Variants in C2CD5 observed in about 807,000 individuals in gnomAD.
The protein encoded by C2CD5 is C2 domain-containing protein 5.
A neutral mutation model predicts 130.3 loss-of-function variants in C2CD5; 109 were observed. The ratio of observed to expected loss-of-function variants is 0.84; its 90% CI spans 0.72 to 0.98. The LOEUF is 0.98. Ranked by LOEUF, C2CD5 falls within the 50% of genes least tolerant of loss-of-function variation. The pLI is 0.00. For synonymous variants in C2CD5, 454 were observed against 429.2 expected (o/e 1.06, Z -0.71); for missense variants, 996 against 1,261.8 (o/e 0.79, Z 3.19).
At chr12:22,470,263 G>A (rs1015088647) in intron 21 of C2CD5, among the ~76,000 whole-genome samples, 9 of 152,010 alleles carry the variant, frequency 5.9e-5, no homozygotes, top group Non-Finnish European at 1.2e-4. Flanking sequence ...GACTAATCAG[G>A]AATATTTCAT....
At chr12:22,538,125 T>C (rs913703258) in intron 2 of C2CD5, among the ~76,000 whole-genome samples, 2 of 152,186 alleles carry the variant, frequency 1.3e-5, no homozygotes, top group Non-Finnish European at 2.9e-5. Context: ...ATAAAACATA[T>C]AAACAAACAT....
chr12:22,530,075 G>GCT (rs1409698843), intron 3 of C2CD5, among the ~76,000 whole-genome samples: 3 of 89,556 alleles, frequency 3.3e-5, no homozygotes, highest in African/African-American at 1.4e-4. Flanking sequence ...GTATTTGAGT[G>GCT]CTATATATAT....
rs151049711 is a variant in C2CD5 at position 22,509,492 on chromosome 12, T to G, written c.1039-2673A>C. Among the ~76,000 whole-genome samples, 1,433 of 152,236 alleles carry G rather than the reference T, an allele frequency of 9.4e-3. 58 individuals are homozygous for G. Among genetic ancestry groups the G allele is most frequent in the Admixed American group, 0.079 (1,214 of 15,280 alleles). On this transcript the variant is annotated intron_variant, in intron 9 of 26. Coordinates refer to ENST00000446597, the MANE Select transcript of C2CD5 (RefSeq NM_001286176.2). ...GCCACGACCCACTCTCCACCTCACA[T>G]GTCCCCAGTTCACCTAATCGGCACA... is the stretch of plus-strand genomic sequence containing the variant.
chr12:22,488,622 TG>T (rs1945908182), intron 12 of C2CD5, among the ~76,000 whole-genome samples: 1 of 152,146 alleles, frequency 6.6e-6, no homozygotes, highest in Non-Finnish European at 1.5e-5. Flanking sequence ...ATTGTATCAC[TG>T]GTACAACTCA....
intron 22 of C2CD5, among the ~76,000 whole-genome samples, chr12:22,467,146 T>C (rs144214469): frequency 1.3e-5 from 2 of 152,290 alleles, no homozygotes; most frequent in East Asian, 1.9e-4. Flanking sequence ...ATTGGTTTAA[T>C]TGATTAAAAG....
rs779175922 is a variant in C2CD5 at position 22,470,913 on chromosome 12, T to C, written c.2359-2A>G. On this transcript the variant is annotated splice_acceptor_variant, in intron 20 of 26. Coordinates refer to ENST00000446597, the MANE Select transcript of C2CD5 (RefSeq NM_001286176.2). LOFTEE classifies it high-confidence loss of function. ...GATTGCGACTGCCGTGACTGTAACC[T>C]AGAATTATAAAAACAATAATGGTTA... is the stretch of plus-strand genomic sequence containing the variant. 1.2e-6 allele frequency: 2 copies of C among 1,603,170 alleles called. No individual in the cohort carries two copies. Among genetic ancestry groups the C allele is most frequent in the Non-Finnish European group, 1.7e-6 (2 of 1,171,810 alleles).
intron 22 of C2CD5, among the ~76,000 whole-genome samples, chr12:22,467,529 A>C (rs1455439491): frequency 6.6e-6 from 1 of 152,210 alleles, no homozygotes; most frequent in Admixed American, 6.5e-5. Context: ...ATATGTTAAT[A>C]ATTGAAGAAC....
Position 22,472,273 on chromosome 12 carries a change from A to C in C2CD5, c.2169+13T>G, listed in dbSNP as rs760692248. On this transcript the variant is annotated intron_variant, in intron 18 of 26. Transcript: ENST00000446597. ...ATGTGTTATGTGCTTAAAATTAAGA[A>C]AAAAAGGTTTACCTGTATTTCAGAG... 5.5e-6 allele frequency: 8 copies of C among 1,446,394 alleles called. No individual in the cohort carries two copies. The Admixed American group carries it at 1.0e-4, about 18-fold the overall frequency. The allele number at this position is 1,446,394 out of a possible 1,614,324, so 89.6% of individuals were successfully genotyped here.
At chr12:22,527,332 T>G (rs2418069) in intron 4 of C2CD5, among the ~76,000 whole-genome samples, 1 of 107,560 alleles carries the variant, frequency 9.3e-6, no homozygotes, top group African/African-American at 3.9e-5. Context: ...ATATATATAT[T>G]TTTTTTTTTT....
chr12:22,488,530 C>T (rs766441261), intron 12 of C2CD5, among the ~76,000 whole-genome samples: 1 of 151,360 alleles, frequency 6.6e-6, no homozygotes, highest in African/African-American at 2.4e-5. Flanking sequence ...CAGAAAAAAA[C>T]CAAGCTACAT....
chr12:22,530,317 T>TAA (rs1172932448), intron 3 of C2CD5, among the ~76,000 whole-genome samples: 1 of 150,268 alleles, frequency 6.7e-6, no homozygotes, highest in East Asian at 1.9e-4. Flanking sequence ...TATATATATA[T>TAA]AACTGAATGC....
chr12:22,518,938 G>T (rs992684696), intron 7 of C2CD5: 2 of 515,154 alleles, frequency 3.9e-6, no homozygotes, highest in Non-Finnish European at 6.8e-6. Flanking sequence ...CTTCCATATA[G>T]TTAGAGACTC....
chr12:22,478,025 A>T (rs1944117216), intron 15 of C2CD5: 4 of 364,394 alleles, frequency 1.1e-5, no homozygotes, highest in Admixed American at 3.9e-5. Context: ...ACACACACAC[A>T]CACTCACACA....
intron 10 of C2CD5, among the ~76,000 whole-genome samples, chr12:22,497,098 G>A (rs1947115401): frequency 6.6e-6 from 1 of 151,980 alleles, no homozygotes; most frequent in Non-Finnish European, 1.5e-5. Context: ...CATACACTTG[G>A]CAATTAAGAA....
chr12:22,496,881 T>A (rs1229736817), intron 10 of C2CD5, among the ~76,000 whole-genome samples: 1 of 152,098 alleles, frequency 6.6e-6, no homozygotes, highest in East Asian at 1.9e-4. Context: ...TAGGTTGACA[T>A]CAGAATTCAT....
At chr12:22,539,454 A>C (rs190863926) in intron 2 of C2CD5, among the ~76,000 whole-genome samples, 1 of 152,030 alleles carries the variant, frequency 6.6e-6, no homozygotes, top group East Asian at 1.9e-4. Flanking sequence ...CCTTCCCCTA[A>C]GTCACAGGTT....
chr12:22,467,320 A>G (rs1275047380), intron 22 of C2CD5, among the ~76,000 whole-genome samples: 3 of 151,794 alleles, frequency 2.0e-5, no homozygotes, highest in African/African-American at 4.8e-5. Context: ...CAGGCACACC[A>G]CCATGCATGA....
chr12:22,480,381 G>T (rs1417570827), intron 14 of C2CD5, among the ~76,000 whole-genome samples: 2 of 152,126 alleles, frequency 1.3e-5, no homozygotes, highest in Non-Finnish European at 2.9e-5. Flanking sequence ...ACTCATCAGA[G>T]ATCACCTAAG....
chr12:22,464,414 T>C (rs1357959466), intron 22 of C2CD5, among the ~76,000 whole-genome samples: 1 of 152,186 alleles, frequency 6.6e-6, no homozygotes, highest in Admixed American at 6.6e-5. Flanking sequence ...CCGTTTTCTG[T>C]CAGTAACTCA....
Sources: allele counts gnomAD v4.1 joint callset (sites outside exome capture counted in the v4.1 genomes callset), GRCh38; gene constraint gnomAD v4.1.1; transcripts MANE v1.5; gene names NCBI Gene and HGNC (gene_info 2026-07-23, HGNC 2026-07-21).